Variants in ATF7IP observed in about 807,000 individuals in gnomAD.
ATF7IP encodes the protein activating transcription factor 7-interacting protein 1.
In ATF7IP, 23 loss-of-function variants were observed where a neutral mutation model predicts 106.4. That is an observed-to-expected ratio of 0.22 (90% CI 0.16 to 0.31). The LOEUF is 0.31. Among genes scored for constraint, ATF7IP ranks in the 10% least tolerant of loss-of-function variants. ATF7IP has a pLI of 1.00. For synonymous variants in ATF7IP, 542 were observed against 539.0 expected (o/e 1.01, Z -0.08); for missense variants, 1,334 against 1,524.3 (o/e 0.88, Z 2.08).
intron 1 of ATF7IP, among the ~76,000 whole-genome samples, chr12:14,407,283 T>C (rs1413408115): frequency 6.6e-6 from 1 of 152,198 alleles, no homozygotes; most frequent in Non-Finnish European, 1.5e-5. Flanking sequence ...TAAATAGCAT[T>C]GGTTTTAACA....
intron 10 of ATF7IP, among the ~76,000 whole-genome samples, chr12:14,473,284 CTCTCTCTGTGTG>C (rs1366970054): frequency 1.5e-5 from 1 of 68,596 alleles, no homozygotes; most frequent in African/African-American, 1.0e-4. Context: ...CGCTCTCTCT[CTCTCTCTGTGTG>C]TGTGTGTGTG....
In ATF7IP at chr12:14,460,902, C is replaced by G. The variant is rs768066871; in HGVS notation, c.2566C>G (p.Gln856Glu). The change falls in exon 9 of 15, where the codon CAA (glutamine) becomes GAA (glutamate). Residue 856 changes from glutamine to glutamate, a missense_variant. By Grantham distance (29) the Gln-to-Glu change is conservative. This residue lies in a region of ATF7IP where 370 missense variants were observed against 401.2 expected (regional missense o/e 0.92). Transcript: ENST00000261168. Reference sequence around the variant, plus strand: ...TCCTTCTGTGCCCAGTCCTAGTATTCAAAGGAACCCTACTGCCAGTGCTGC... The same window carrying G: ...TCCTTCTGTGCCCAGTCCTAGTATTGAAAGGAACCCTACTGCCAGTGCTGC... ...NVPSVPSPSI[Q>E]RNPTASAAPL... The G allele has an allele frequency of 3.1e-6, 5 of 1,614,180 alleles. No homozygotes were observed. Among genetic ancestry groups the G allele is most frequent in the East Asian group, 4.5e-5 (2 of 44,880 alleles).
At chr12:14,444,341 T>A (rs1040678283) in intron 5 of ATF7IP, among the ~76,000 whole-genome samples, 4 of 152,194 alleles carry the variant, frequency 2.6e-5, no homozygotes, top group Non-Finnish European at 4.4e-5. Context: ...TTATGAGCAG[T>A]AATATTTGTT....
intron 7 of ATF7IP, 35 bp from the exon 8 acceptor site, chr12:14,457,172 T>G (rs1296677980): frequency 6.5e-7 from 1 of 1,528,340 alleles, no homozygotes; most frequent in East Asian, 2.3e-5. Flanking sequence ...GAGTGGCATA[T>G]CTATTGACTA....
At position 14,424,377 on chromosome 12, in the gene ATF7IP, C is replaced by T; in HGVS notation, c.462C>T (p.Ser154=). The T allele has an allele frequency of 6.2e-7, 1 of 1,613,356 alleles. No individual in the cohort carries two copies. The highest frequency in any genetic ancestry group is 8.5e-7 in the Non-Finnish European group (1 of 1,179,702). ...PASGVLASGD[S]TSGDPTSSEP... Reference sequence around the variant, plus strand: ...CCGGAGTACTGGCCTCTGGTGATTCCACCTCTGGTGATCCCACCTCTAGCG... The same window carrying T: ...CCGGAGTACTGGCCTCTGGTGATTCTACCTCTGGTGATCCCACCTCTAGCG... The change falls in exon 2 of 15, where the codon TCC becomes TCT. Residue 154 remains serine (S), a synonymous_variant. Coordinates refer to ENST00000261168, the MANE Select transcript of ATF7IP (RefSeq NM_018179.5).
intron 1 of ATF7IP, chr12:14,369,089 T>C (rs897954604): frequency 1.3e-5 from 2 of 150,600 alleles, no homozygotes; most frequent in African/African-American, 2.4e-5. Context: ...AGACTACTGG[T>C]GAAGGATATC....
chr12:14,378,838 G>A (rs192431102), intron 1 of ATF7IP, among the ~76,000 whole-genome samples: 22 of 152,248 alleles, frequency 1.4e-4, no homozygotes, highest in Admixed American at 1.2e-3. Flanking sequence ...TAGTTAAGAC[G>A]ATTTGGTACA....
chr12:14,473,288 C>CTGTGTG (rs796814505), intron 10 of ATF7IP, among the ~76,000 whole-genome samples: 129 of 140,408 alleles, frequency 9.2e-4, no homozygotes, highest in African/African-American at 1.6e-3. Context: ...CTCTCTCTCT[C>CTGTGTG]TCTGTGTGTG....
intron 1 of ATF7IP, among the ~76,000 whole-genome samples, chr12:14,404,263 A>G (rs1003010991): frequency 1.3e-5 from 2 of 151,852 alleles, no homozygotes; most frequent in Admixed American, 6.6e-5. Flanking sequence ...TTACTGCTGT[A>G]TTTATCTTCC....
intron 5 of ATF7IP, among the ~76,000 whole-genome samples, chr12:14,440,125 C>A (rs185975143): frequency 6.6e-6 from 1 of 152,100 alleles, no homozygotes; most frequent in South Asian, 2.1e-4. Context: ...TCTTGGAAAC[C>A]GATCCCTCTC....
intron 1 of ATF7IP, among the ~76,000 whole-genome samples, chr12:14,402,666 T>G (rs12372725): frequency 0.027 from 4,124 of 150,954 alleles, 86 homozygotes; most frequent in Middle Eastern, 0.099. Flanking sequence ...TGAAGTGAAG[T>G]GGTGCGGTGT....
intron 13 of ATF7IP, among the ~76,000 whole-genome samples, chr12:14,484,542 G>A (rs915651208): frequency 6.6e-6 from 1 of 152,288 alleles, no homozygotes; most frequent in African/African-American, 2.4e-5. Flanking sequence ...TCCCTTCACC[G>A]ATGTCCTTCA....
intron 6 of ATF7IP, among the ~76,000 whole-genome samples, chr12:14,450,322 TA>T (rs1434546377): frequency 1.3e-5 from 2 of 152,208 alleles, no homozygotes; most frequent in Admixed American, 1.3e-4. Flanking sequence ...TGGCCTTTGT[TA>T]AATTGAGATA....
chr12:14,452,571 A>C (rs1337757015), intron 6 of ATF7IP, among the ~76,000 whole-genome samples: 2 of 152,140 alleles, frequency 1.3e-5, no homozygotes, highest in Non-Finnish European at 2.9e-5. Flanking sequence ...ACAACTGTCT[A>C]TGTTAAACTG....
At chr12:14,418,147 T>A (rs1303751111) in intron 1 of ATF7IP, among the ~76,000 whole-genome samples, 5 of 152,020 alleles carry the variant, frequency 3.3e-5, no homozygotes, top group South Asian at 2.1e-4. Context: ...GAAAAAAAAA[T>A]TTCCAAGCCA....
intron 13 of ATF7IP, among the ~76,000 whole-genome samples, chr12:14,489,347 T>G (rs908410335): frequency 6.6e-6 from 1 of 152,150 alleles, no homozygotes; most frequent in Non-Finnish European, 1.5e-5. Context: ...GGTAGGAGGA[T>G]CCCAAAGTAT....
At position 14,502,809 on chromosome 12, in the gene ATF7IP, T is replaced by C. The variant is rs2136897782; in HGVS notation, c.*4736T>C. The C allele has an allele frequency of 6.6e-6, 1 of 152,164 alleles. No individual in the cohort carries two copies. The highest frequency in any genetic ancestry group is 2.1e-4 in the South Asian group (1 of 4,826). The allele number at this position is 152,164 out of a possible 1,614,324, so 9.4% of individuals were successfully genotyped here. A position where few individuals can be genotyped will look rare whatever the true frequency, so the allele number is the denominator to read the frequency against. ...AGGTTTGTGTGTGTGTGTGCGTGCG[T>C]GTGTGTGTTTTTCTTTTTTAAATGT... On this transcript the variant is annotated 3_prime_UTR_variant, in exon 15 of 15. Coordinates refer to ENST00000261168, the MANE Select transcript of ATF7IP (RefSeq NM_018179.5).
intron 1 of ATF7IP, among the ~76,000 whole-genome samples, chr12:14,380,234 A>T (rs1370832042): frequency 6.6e-6 from 1 of 151,926 alleles, no homozygotes; most frequent in Non-Finnish European, 1.5e-5. Flanking sequence ...AAGTTTTCTT[A>T]TTCCTGCATA....
chr12:14,480,880 T>C (rs1944407433), intron 12 of ATF7IP, 123 bp from the exon 13 acceptor site: 2 of 793,038 alleles, frequency 2.5e-6, no homozygotes, highest in Non-Finnish European at 4.0e-6. Flanking sequence ...AAAAGGAGAC[T>C]GTTATTTCTG....
Sources: allele counts gnomAD v4.1 joint callset (sites outside exome capture counted in the v4.1 genomes callset), GRCh38; gene constraint gnomAD v4.1.1; regional missense constraint gnomAD v4.1.1; transcripts MANE v1.5; gene names NCBI Gene and HGNC (gene_info 2026-07-23, HGNC 2026-07-21).